ATE1: variants seen among roughly 807,000 people sequenced by gnomAD.
The protein encoded by ATE1 is arginyl-tRNA--protein transferase 1.
ATE1 carries 36 observed loss-of-function variants against 70.5 expected under a neutral mutation model. The ratio of observed to expected loss-of-function variants is 0.51; its 90% CI spans 0.39 to 0.67. The LOEUF is 0.67. ATE1 is among the 30% of genes least tolerant of loss of function. ATE1 has a pLI of 0.00. For missense variants in ATE1, 593 were observed against 629.5 expected, an observed-to-expected ratio of 0.94 and a Z score of 0.62; for synonymous variants, 232 against 219.3, an observed-to-expected ratio of 1.06 and a Z score of -0.51.
chr10:121,743,735 T>A lies in ATE1; in HGVS notation c.1502A>T (p.Tyr501Phe). 6.2e-7 allele frequency: 1 copy of A among 1,614,054 alleles called. No homozygotes were observed. The highest frequency in any genetic ancestry group is 8.5e-7 in the Non-Finnish European group (1 of 1,180,006). The part of the protein sequence containing the change: ...DPSEEAAVLQ[Y>F]ASLVGQKCSE... Reference sequence around the variant, plus strand: ...GCACTTCTGCCCCACCAGGCTGGCGTACTGCAGAACAGCAGCCTCCTCACT... The same window carrying A: ...GCACTTCTGCCCCACCAGGCTGGCGAACTGCAGAACAGCAGCCTCCTCACT... The change falls in exon 12 of 12, where the codon TAC becomes TTC. Residue 501 changes from tyrosine (Y) to phenylalanine (F), a missense_variant. Physicochemically the swap from Tyr to Phe is conservative, Grantham distance 22. Transcript: ENST00000224652.
chr10:121,825,744 T>C (rs963203877), intron 10 of ATE1, among the ~76,000 whole-genome samples: 8 of 152,114 alleles, frequency 5.3e-5, no homozygotes, highest in African/African-American at 1.9e-4. Context: ...GGATGTGAAA[T>C]GGTATGGCCT....
At chr10:121,793,257 G>A (rs1035262432) in intron 10 of ATE1, among the ~76,000 whole-genome samples, 1 of 152,152 alleles carries the variant, frequency 6.6e-6, no homozygotes, top group Non-Finnish European at 1.5e-5. Context: ...ATTTTAAAAA[G>A]ACGGAAGAAA....
intron 11 of ATE1, among the ~76,000 whole-genome samples, chr10:121,759,346 G>A (rs1330544752): frequency 6.6e-6 from 1 of 152,206 alleles, no homozygotes; most frequent in Non-Finnish European, 1.5e-5. Context: ...AGGCTGAGAG[G>A]TAAGGACATT....
At chr10:121,821,013 C>T (rs1393514208) in intron 10 of ATE1, among the ~76,000 whole-genome samples, 1 of 152,232 alleles carries the variant, frequency 6.6e-6, no homozygotes, top group Non-Finnish European at 1.5e-5. Context: ...GCAATCTCGG[C>T]TCACTGCAAC....
At chr10:121,914,405 A>G (rs957312297) in intron 3 of ATE1, among the ~76,000 whole-genome samples, 2 of 151,592 alleles carry the variant, frequency 1.3e-5, no homozygotes, top group Non-Finnish European at 2.9e-5. Flanking sequence ...GACATAAAAC[A>G]CTAGAAAAAA....
Position 121,816,736 on chromosome 10 carries a change from G to GT in ATE1, c.1257+19981dup, listed in dbSNP as rs559699782. Among the ~76,000 whole-genome samples the GT allele has an allele frequency of 5.5e-4, 84 of 152,250 alleles. 1 individual carries two copies. The East Asian group carries it at 0.015, about 27-fold the overall frequency. ...TTGTTTATAAATTACCCAGTCTCAG[G>GT]TATTTTGTTACAGCAGCACAAATGG... is the stretch of plus-strand genomic sequence containing the variant. On this transcript the variant is annotated intron_variant, in intron 10 of 11. Transcript: ENST00000224652.
chr10:121,822,412 C>T (rs532804436), intron 10 of ATE1, among the ~76,000 whole-genome samples: 1 of 152,256 alleles, frequency 6.6e-6, no homozygotes, highest in Admixed American at 6.5e-5. Context: ...TAGTGATGGG[C>T]TTGTGGGGTG....
chr10:121,752,235 T>G (rs569674037), intron 11 of ATE1, among the ~76,000 whole-genome samples: 2 of 116,520 alleles, frequency 1.7e-5, no homozygotes, highest in South Asian at 5.4e-4. Flanking sequence ...ATTTCTAAGG[T>G]TTTTTTTTTT....
chr10:121,802,732 G>A (rs752384958), intron 10 of ATE1, among the ~76,000 whole-genome samples: 1 of 152,074 alleles, frequency 6.6e-6, no homozygotes, highest in Non-Finnish European at 1.5e-5. Flanking sequence ...CCCCTGTGCT[G>A]CCAGTCCTGC....
intron 10 of ATE1, among the ~76,000 whole-genome samples, chr10:121,805,748 G>C (rs1210917752): frequency 6.6e-6 from 1 of 152,112 alleles, no homozygotes; most frequent in Non-Finnish European, 1.5e-5. Context: ...CTTAACGTTT[G>C]CAAGAAACTG....
At chr10:121,804,885 T>C (rs1382257952) in intron 10 of ATE1, among the ~76,000 whole-genome samples, 13 of 152,184 alleles carry the variant, frequency 8.5e-5, no homozygotes, top group African/African-American at 3.1e-4. Context: ...CAGTTTATGA[T>C]AGCCTCCATG....
intron 8 of ATE1, among the ~76,000 whole-genome samples, chr10:121,867,983 T>C (rs1949720460): frequency 6.6e-6 from 1 of 152,216 alleles, no homozygotes; most frequent in African/African-American, 2.4e-5. Flanking sequence ...ACAGTGATTA[T>C]TGAACTACAA....
chr10:121,870,178 G>T, intron 7 of ATE1, 140 bp from the exon 8 acceptor site: 2 of 756,582 alleles, frequency 2.6e-6, no homozygotes, highest in Non-Finnish European at 2.1e-6. Flanking sequence ...AAATTAATGT[G>T]TCCATAAAAT....
intron 7 of ATE1, among the ~76,000 whole-genome samples, chr10:121,873,354 C>A (rs937592819): frequency 6.6e-6 from 1 of 152,126 alleles, no homozygotes; most frequent in East Asian, 1.9e-4. Context: ...AGGATACACA[C>A]AGACAGTGCT....
At chr10:121,803,970 T>C (rs11200169) in intron 10 of ATE1, among the ~76,000 whole-genome samples, 1 of 152,000 alleles carries the variant, frequency 6.6e-6, no homozygotes, top group Non-Finnish European at 1.5e-5. Context: ...GGGGTTCTGG[T>C]AGAATTTACA....
intron 8 of ATE1, among the ~76,000 whole-genome samples, chr10:121,852,532 G>A (rs760648598): frequency 7.2e-5 from 11 of 151,978 alleles, no homozygotes; most frequent in Non-Finnish European, 1.5e-4. Context: ...CCAACATGGC[G>A]AAACCCCTTC....
At chr10:121,871,060 G>C (rs1172315741) in intron 7 of ATE1, among the ~76,000 whole-genome samples, 1 of 152,166 alleles carries the variant, frequency 6.6e-6, no homozygotes, top group Non-Finnish European at 1.5e-5. Flanking sequence ...CTCTTTTAGA[G>C]TTACACATTG....
chr10:121,892,362 C>T (rs1461031021), intron 7 of ATE1, among the ~76,000 whole-genome samples: 1 of 151,666 alleles, frequency 6.6e-6, no homozygotes, highest in East Asian at 1.9e-4. Flanking sequence ...CCAGAGGTGT[C>T]ATTCAAAGAG....
chr10:121,925,439 A>AAG (rs1554938456), intron 1 of ATE1, among the ~76,000 whole-genome samples: 1 of 151,818 alleles, frequency 6.6e-6, no homozygotes, highest in Non-Finnish European at 1.5e-5. Flanking sequence ...AAAAAAAAAA[A>AAG]AAAGAAAGAA....
Sources: gnomAD v4.1 joint callset for allele counts (sites outside exome capture counted in the v4.1 genomes callset) on GRCh38, gnomAD v4.1.1 for gene constraint, MANE v1.5 for transcripts, NCBI Gene and HGNC (gene_info 2026-07-23, HGNC 2026-07-21) for gene names.